The following CSMD1 variants were observed in gnomAD, a reference collection of about 807,000 sequenced individuals.
CSMD1 encodes the protein CUB and sushi domain-containing protein 1.
In CSMD1, 213 loss-of-function variants were observed where a neutral mutation model predicts 417.5. That is an observed-to-expected ratio of 0.51 (90% CI 0.46 to 0.57). CSMD1 has a LOEUF of 0.57. CSMD1 is among the 20% of genes least tolerant of loss of function. CSMD1 has a pLI of 0.00. For missense variants in CSMD1, 6,923 were observed against 4,529.7 expected, an observed-to-expected ratio of 1.53 and a Z score of -15.17; for synonymous variants, 2,862 against 1,736.8, an observed-to-expected ratio of 1.65 and a Z score of -16.11.
intron 1 of CSMD1, among the ~76,000 whole-genome samples, chr8:4,892,684 T>G (rs7011787): frequency 2.0e-5 from 3 of 151,860 alleles, no homozygotes; most frequent in African/African-American, 7.3e-5. Context: ...TATGCATTCA[T>G]ATAGTCTTTT....
intron 1 of CSMD1, among the ~76,000 whole-genome samples, chr8:4,841,919 A>ACAAACAAAC (rs1484042951): frequency 2.8e-5 from 4 of 141,204 alleles, no homozygotes; most frequent in South Asian, 2.3e-4. Context: ...CTCAAAAAAA[A>ACAAACAAAC]AAAAAAAAAA....
chr8:4,020,841 C>G (rs912291139), intron 4 of CSMD1, among the ~76,000 whole-genome samples: 1 of 152,212 alleles, frequency 6.6e-6, no homozygotes, highest in Non-Finnish European at 1.5e-5. Context: ...TCACTCTTAT[C>G]TTTTGCCTAA....
At chr8:4,046,726 T>A (rs3860860) in intron 3 of CSMD1, among the ~76,000 whole-genome samples, 12,564 of 152,230 alleles carry the variant, frequency 0.083, 744 homozygotes, top group Admixed American at 0.16. Context: ...GACCTAATGA[T>A]TTAAACTTTT....
At chr8:3,303,605 A>T (rs1584961118) in intron 25 of CSMD1, among the ~76,000 whole-genome samples, 1 of 152,246 alleles carries the variant, frequency 6.6e-6, no homozygotes, top group Non-Finnish European at 1.5e-5. Context: ...TGAGCTTTCC[A>T]GACAATTACA....
At chr8:4,138,750 C>A (rs1803593764) in intron 3 of CSMD1, among the ~76,000 whole-genome samples, 1 of 152,012 alleles carries the variant, frequency 6.6e-6, no homozygotes, top group Non-Finnish European at 1.5e-5. Flanking sequence ...AATACTAAAC[C>A]AACTAGTTAT....
At chr8:3,630,009 A>T (rs189548419) in intron 7 of CSMD1, among the ~76,000 whole-genome samples, 1 of 152,302 alleles carries the variant, frequency 6.6e-6, no homozygotes, top group East Asian at 1.9e-4. Flanking sequence ...CAGGCCCCAG[A>T]GTTTTATTTG....
At chr8:3,248,707 A>G (rs374903447) in intron 26 of CSMD1, among the ~76,000 whole-genome samples, 1 of 151,946 alleles carries the variant, frequency 6.6e-6, no homozygotes, top group African/African-American at 2.4e-5. Context: ...GTAAATTTCT[A>G]TTATTTACTG....
intron 1 of CSMD1, among the ~76,000 whole-genome samples, chr8:4,810,684 C>T (rs1798846008): frequency 6.6e-6 from 1 of 152,046 alleles, no homozygotes; most frequent in Non-Finnish European, 1.5e-5. Flanking sequence ...TTATAATGTT[C>T]CAATGTCAAT....
chr8:4,816,105 G>C (rs184516140), intron 1 of CSMD1, among the ~76,000 whole-genome samples: 170 of 152,298 alleles, frequency 1.1e-3, no homozygotes, highest in Non-Finnish European at 1.7e-3. Context: ...ATGTGAGGAA[G>C]GCTGATCACA....
chr8:4,361,822 C>T (rs1399358660), intron 3 of CSMD1, among the ~76,000 whole-genome samples: 1 of 151,890 alleles, frequency 6.6e-6, no homozygotes, highest in Admixed American at 6.6e-5. Flanking sequence ...AGGCGTGGTG[C>T]GGGGCGCCTG....
At chr8:4,837,455 C>G (rs1321661547) in intron 1 of CSMD1, among the ~76,000 whole-genome samples, 8 of 152,128 alleles carry the variant, frequency 5.3e-5, no homozygotes, top group Non-Finnish European at 7.4e-5. Context: ...ATGGATGCAA[C>G]TGGAGATCAT....
intron 1 of CSMD1, among the ~76,000 whole-genome samples, chr8:4,875,910 C>A (rs978844009): frequency 4.6e-5 from 7 of 151,958 alleles, no homozygotes; most frequent in Non-Finnish European, 1.0e-4. Flanking sequence ...TCAAAAGAGT[C>A]TTTAATAGCA....
chr8:4,488,124 C>T (rs1056522820), intron 2 of CSMD1, among the ~76,000 whole-genome samples: 1 of 152,092 alleles, frequency 6.6e-6, no homozygotes, highest in Non-Finnish European at 1.5e-5. Context: ...GCAGGGTCTC[C>T]CCAGACATCG....
intron 5 of CSMD1, among the ~76,000 whole-genome samples, chr8:3,780,602 C>A (rs747390524): frequency 3.3e-5 from 5 of 152,210 alleles, no homozygotes; most frequent in Non-Finnish European, 5.9e-5. Flanking sequence ...TAATAATTCA[C>A]TACAACTGTC....
chr8:3,407,007 T>C (rs549857835), intron 14 of CSMD1, among the ~76,000 whole-genome samples: 4 of 152,050 alleles, frequency 2.6e-5, no homozygotes, highest in Non-Finnish European at 5.9e-5. Flanking sequence ...GGGTGGATGG[T>C]TGTATAGATG....
intron 3 of CSMD1, among the ~76,000 whole-genome samples, chr8:4,102,934 A>G (rs1801380906): frequency 1.3e-5 from 2 of 152,154 alleles, no homozygotes; most frequent in African/African-American, 4.8e-5. Flanking sequence ...ATTTACTTTA[A>G]AAATAAGTGA....
At chr8:4,289,903 G>C (rs931957522) in intron 3 of CSMD1, among the ~76,000 whole-genome samples, 6 of 152,176 alleles carry the variant, frequency 3.9e-5, no homozygotes, top group African/African-American at 1.4e-4. Flanking sequence ...GAATCAAATG[G>C]TACCTCTGAG....
chr8:2,954,865 T>A (rs576861692), intron 64 of CSMD1, among the ~76,000 whole-genome samples: 1 of 152,318 alleles, frequency 6.6e-6, no homozygotes, highest in South Asian at 2.1e-4. Flanking sequence ...CTCTTTAAAA[T>A]CCCTAATATG....
At chr8:4,201,527 G>T (rs1474002661) in intron 3 of CSMD1, among the ~76,000 whole-genome samples, 1 of 93,910 alleles carries the variant, frequency 1.1e-5, no homozygotes, top group Admixed American at 1.9e-4. Flanking sequence ...AAGAGATCCA[G>T]ACTCTGTCTC....
Sources: allele counts gnomAD v4.1 joint callset (sites outside exome capture counted in the v4.1 genomes callset), GRCh38; gene constraint gnomAD v4.1.1; transcripts MANE v1.5; gene names NCBI Gene and HGNC (gene_info 2026-07-23, HGNC 2026-07-21).